OR7C1: variants seen among roughly 807,000 people sequenced by gnomAD.
OR7C1 encodes olfactory receptor 7C1.
For synonymous variants in OR7C1, 152 were observed against 160.7 expected (o/e 0.95, Z 0.41); for missense variants, 324 against 383.3 (o/e 0.85, Z 1.29).
chr19:14,834,562 C>A (rs1017038088), intron 1 of OR7C1, among the ~76,000 whole-genome samples: 4 of 152,116 alleles, frequency 2.6e-5, no homozygotes, highest in Admixed American at 2.0e-4. Context: ...GAATACCTAG[C>A]GTAAGAGAAA....
chr19:14,832,536 C>G (rs2044843750), intron 1 of OR7C1, among the ~76,000 whole-genome samples: 1 of 151,742 alleles, frequency 6.6e-6, no homozygotes, highest in Non-Finnish European at 1.5e-5. Flanking sequence ...AAGCGATTCT[C>G]CTGCCTCAAC....
chr19:14,806,504 G>A (rs2044667145), intron 2 of OR7C1, among the ~76,000 whole-genome samples: 1 of 151,968 alleles, frequency 6.6e-6, no homozygotes, highest in Non-Finnish European at 1.5e-5. Flanking sequence ...AGCCCTGCAT[G>A]CATTAGCTAT....
At chr19:14,821,456 T>A (rs2044740871) in intron 1 of OR7C1, 1 of 152,214 alleles carries the variant, frequency 6.6e-6, no homozygotes. Context: ...CTTGAGCTCT[T>A]CATTCAGGCT....
intron 1 of OR7C1, among the ~76,000 whole-genome samples, chr19:14,830,718 C>A (rs969692064): frequency 6.6e-6 from 1 of 152,164 alleles, no homozygotes; most frequent in Non-Finnish European, 1.5e-5. Flanking sequence ...ATCCAAAAGA[C>A]AAGACTGTGG....
intron 1 of OR7C1, chr19:14,821,548 A>T (rs1386728958): frequency 1.3e-5 from 2 of 152,140 alleles, no homozygotes; most frequent in African/African-American, 4.8e-5. Flanking sequence ...TGGATTCCAC[A>T]CTCTTTGTGT....
chr19:14,818,268 A>T (rs1268110751), intron 1 of OR7C1, among the ~76,000 whole-genome samples: 2 of 151,406 alleles, frequency 1.3e-5, no homozygotes, highest in Non-Finnish European at 2.9e-5. Context: ...AATTTTTTTG[A>T]ATTTTTTAGT....
intron 2 of OR7C1, among the ~76,000 whole-genome samples, chr19:14,805,380 G>A (rs2044661407): frequency 6.6e-6 from 1 of 150,592 alleles, no homozygotes; most frequent in African/African-American, 2.5e-5. Context: ...GGTCCACTGA[G>A]GCAGGACCCA....
intron 1 of OR7C1, among the ~76,000 whole-genome samples, chr19:14,819,080 TC>T (rs2145066738): frequency 6.6e-6 from 1 of 151,972 alleles, no homozygotes; most frequent in Admixed American, 6.6e-5. Flanking sequence ...TGTGTGATAT[TC>T]CCCTTCCTGT....
intron 2 of OR7C1, among the ~76,000 whole-genome samples, chr19:14,808,369 A>G (rs2044675595): frequency 6.6e-6 from 1 of 152,044 alleles, no homozygotes; most frequent in Non-Finnish European, 1.5e-5. Flanking sequence ...AATCAACTTA[A>G]GTGTCCACCA....
intron 1 of OR7C1, among the ~76,000 whole-genome samples, chr19:14,815,346 A>T (rs147938642): frequency 3.3e-5 from 5 of 152,336 alleles, no homozygotes; most frequent in African/African-American, 1.2e-4. Context: ...CATGGGTTGT[A>T]TGTTGCATGA....
chr19:14,821,736 C>T (rs1046733627), intron 1 of OR7C1, among the ~76,000 whole-genome samples: 2 of 152,212 alleles, frequency 1.3e-5, no homozygotes, highest in South Asian at 4.1e-4. Flanking sequence ...TTAAATCTTA[C>T]GTACCATAGC....
At chr19:14,800,636 A>T (rs1394625506) in exon 3 of OR7C1, 1 of 152,746 alleles carries the variant, frequency 6.5e-6, no homozygotes, top group African/African-American at 2.4e-5. Context: ...GGCGAGCTGC[A>T]GACACAAACA....
At chr19:14,824,911 C>T (rs1401753752) in intron 1 of OR7C1, 2 of 152,150 alleles carry the variant, frequency 1.3e-5, no homozygotes, top group South Asian at 2.1e-4. Context: ...CATTATTTCA[C>T]TTATATGTGG....
chr19:14,812,819 T>C (rs2044697628), intron 1 of OR7C1, among the ~76,000 whole-genome samples: 1 of 151,950 alleles, frequency 6.6e-6, no homozygotes, highest in East Asian at 1.9e-4. Context: ...ATCCCAGCAC[T>C]TTGGGAGGCC....
At chr19:14,822,859 T>TA (rs2044747734) in intron 1 of OR7C1, among the ~76,000 whole-genome samples, 1 of 151,940 alleles carries the variant, frequency 6.6e-6, no homozygotes, top group South Asian at 2.1e-4. Flanking sequence ...TTTTTTTTTT[T>TA]AAACTGGGTT....
exon 5 of OR7C1, chr19:14,799,130 C>G: frequency 1.9e-6 from 3 of 1,548,470 alleles, no homozygotes; most frequent in Non-Finnish European, 2.6e-6. Flanking sequence ...TGGATACATT[C>G]AAGAACCACC....
chr19:14,827,626 G>A, intron 1 of OR7C1: 1 of 1,614,192 alleles, frequency 6.2e-7, no homozygotes, highest in African/African-American at 1.3e-5. Flanking sequence ...CCTCCACCCA[G>A]CAGCGCAACT....
intron 2 of OR7C1, among the ~76,000 whole-genome samples, chr19:14,803,307 CAAAAAAA>C (rs553496845): frequency 9.0e-4 from 75 of 83,592 alleles, no homozygotes; most frequent in Non-Finnish European, 1.1e-3. Flanking sequence ...ACTATGTCTC[CAAAAAAA>C]AAAAAAAAAA....
chr19:14,811,989 C>T (rs1354843318), intron 1 of OR7C1, among the ~76,000 whole-genome samples: 4 of 151,838 alleles, frequency 2.6e-5, no homozygotes, highest in Non-Finnish European at 5.9e-5. Flanking sequence ...TACTGTGGAC[C>T]TATGGGGTGT....
Sources: allele counts gnomAD v4.1 joint callset (sites outside exome capture counted in the v4.1 genomes callset), GRCh38; gene constraint gnomAD v4.1.1; transcripts MANE v1.5; gene names NCBI Gene and HGNC (gene_info 2026-07-23, HGNC 2026-07-21).